NPAS3: variants seen among roughly 807,000 people sequenced by gnomAD.
NPAS3 encodes the protein neuronal PAS domain-containing protein 3.
In NPAS3, 14 loss-of-function variants were observed where a neutral mutation model predicts 73.1. The observed-to-expected ratio is 0.19, with a 90% CI of 0.13 to 0.30. The LOEUF (loss-of-function observed/expected upper bound fraction) is 0.30, where lower values mean the gene tolerates loss of function less well. Ranked by LOEUF, NPAS3 falls within the 10% of genes least tolerant of loss-of-function variation. The probability of loss-of-function intolerance (pLI) is 1.00; values close to 1 mark genes in which losing one functional copy is unlikely to be tolerated. For missense variants in NPAS3, 1,096 were observed against 1,250.0 expected (o/e 0.88, Z 1.86); for synonymous variants, 620 against 541.5 (o/e 1.14, Z -2.01).
intron 3 of NPAS3, among the ~76,000 whole-genome samples, chr14:33,268,635 C>T (rs944022900): frequency 6.6e-6 from 1 of 152,142 alleles, no homozygotes; most frequent in Non-Finnish European, 1.5e-5. Context: ...TATGATATGC[C>T]TATCACTTAC....
intron 2 of NPAS3, among the ~76,000 whole-genome samples, chr14:33,174,285 T>C (rs554804890): frequency 3.3e-5 from 5 of 152,304 alleles, no homozygotes; most frequent in African/African-American, 1.2e-4. Flanking sequence ...CTGAACTGCT[T>C]ATACAGGTTT....
At position 33,165,482 on chromosome 14, in the gene NPAS3, T is replaced by C. The variant is rs192857641; in HGVS notation, c.141-49700T>C. On this transcript the variant is annotated intron_variant, in intron 2 of 11. Transcript: ENST00000356141. ...GAGCTTAAAGTAGCCTCAGGGCTAA[T>C]GTGAGGAGCTGTGCAGCTCTACTAC... Among the ~76,000 whole-genome samples, 169 of 152,230 alleles carry C rather than the reference T, an allele frequency of 1.1e-3. 1 individual carries two copies. Among genetic ancestry groups the C allele is most frequent in the South Asian group, 3.7e-3 (18 of 4,814 alleles).
chr14:33,380,349 G>C (rs1363145471), intron 4 of NPAS3, among the ~76,000 whole-genome samples: 2 of 152,032 alleles, frequency 1.3e-5, no homozygotes, highest in East Asian at 3.9e-4. Context: ...ATCCTGCTTG[G>C]GGGAGGAGGG....
At chr14:33,479,812 C>G (rs896585484) in intron 4 of NPAS3, among the ~76,000 whole-genome samples, 1 of 152,070 alleles carries the variant, frequency 6.6e-6, no homozygotes, top group Admixed American at 6.6e-5. Context: ...TGCGTTTGTC[C>G]TTTTGACAGG....
intron 1 of NPAS3, among the ~76,000 whole-genome samples, chr14:33,018,655 A>G (rs564372529): frequency 1.3e-5 from 2 of 152,340 alleles, no homozygotes; most frequent in East Asian, 3.9e-4. Context: ...TTGAAAGTAT[A>G]AGAAATATAT....
rs150475444 is a variant in NPAS3 at position 33,082,553 on chromosome 14, T to C, written c.140+26559T>C. ...TTCTTGTGAATTTTATGTTGTGACG[T>C]TTAGAAGACTGGAATAAGTTGTATT... On this transcript the variant is annotated intron_variant, in intron 2 of 11. Transcript: ENST00000356141. Among the ~76,000 whole-genome samples, 8 of 152,336 alleles carry C rather than the reference T, an allele frequency of 5.3e-5. 1 individual carries two copies. Among genetic ancestry groups the C allele is most frequent in the Admixed American group, 5.2e-4 (8 of 15,306 alleles).
At chr14:33,622,126 G>A (rs1334660299) in intron 5 of NPAS3, among the ~76,000 whole-genome samples, 2 of 152,088 alleles carry the variant, frequency 1.3e-5, no homozygotes, top group Non-Finnish European at 2.9e-5. Flanking sequence ...CTCTCCTAAT[G>A]TTCAAAACCA....
chr14:33,178,102 G>T (rs1199099773), intron 2 of NPAS3, among the ~76,000 whole-genome samples: 1 of 134,766 alleles, frequency 7.4e-6, no homozygotes. Context: ...TGGAGACAGA[G>T]TCTTGCTCTG....
At chr14:33,183,438 T>G (rs1304579987) in intron 2 of NPAS3, among the ~76,000 whole-genome samples, 1 of 85,052 alleles carries the variant, frequency 1.2e-5, no homozygotes, top group Non-Finnish European at 2.7e-5. Context: ...TTTTTTTTTT[T>G]TTTTTTTTTT....
chr14:33,722,361 G>A (rs1011811084), intron 6 of NPAS3, among the ~76,000 whole-genome samples: 1 of 152,040 alleles, frequency 6.6e-6, no homozygotes, highest in Admixed American at 6.6e-5. Context: ...CTTAAGGAAA[G>A]GGGGGGTAAT....
chr14:33,737,516 C>T (rs1024932054), intron 7 of NPAS3, among the ~76,000 whole-genome samples: 1 of 152,092 alleles, frequency 6.6e-6, no homozygotes, highest in South Asian at 2.1e-4. Flanking sequence ...TCTCAAGATA[C>T]CATGAGAGTC....
intron 3 of NPAS3, among the ~76,000 whole-genome samples, chr14:33,278,573 T>C (rs914104307): frequency 3.3e-5 from 5 of 151,810 alleles, no homozygotes; most frequent in Non-Finnish European, 5.9e-5. Context: ...ACAACAAATA[T>C]ATGAAAATCA....
intron 7 of NPAS3, 149 bp downstream of exon 7, chr14:33,735,481 G>A (rs2061500203): frequency 1.2e-5 from 8 of 650,360 alleles, no homozygotes; most frequent in South Asian, 7.4e-5. Context: ...CTGTCTCAAG[G>A]CAGGAGCTTC....
At chr14:33,057,929 T>C (rs1447569893) in intron 2 of NPAS3, among the ~76,000 whole-genome samples, 1 of 152,198 alleles carries the variant, frequency 6.6e-6, no homozygotes, top group Non-Finnish European at 1.5e-5. Flanking sequence ...AAAAAGCATG[T>C]GGTACACAAG....
chr14:33,796,968 A>C (rs1402069009), intron 10 of NPAS3, among the ~76,000 whole-genome samples: 2 of 151,922 alleles, frequency 1.3e-5, no homozygotes, highest in Non-Finnish European at 2.9e-5. Flanking sequence ...CATCTGTCAG[A>C]TAGGCACCAA....
intron 3 of NPAS3, among the ~76,000 whole-genome samples, chr14:33,327,471 A>G (rs1171129529): frequency 6.6e-6 from 1 of 152,240 alleles, no homozygotes; most frequent in East Asian, 1.9e-4. Context: ...GAAGAAAACA[A>G]AGATACACAG....
intron 2 of NPAS3, among the ~76,000 whole-genome samples, chr14:33,102,674 C>T (rs962689873): frequency 3.9e-5 from 6 of 152,124 alleles, no homozygotes; most frequent in Non-Finnish European, 8.8e-5. Flanking sequence ...AATGAAGCTG[C>T]TATTGCCAGC....
At chr14:33,157,524 T>C (rs771215296) in intron 2 of NPAS3, among the ~76,000 whole-genome samples, 14 of 152,218 alleles carry the variant, frequency 9.2e-5, no homozygotes, top group Non-Finnish European at 1.6e-4. Context: ...TGGTGAGGTA[T>C]AATCACACAT....
chr14:33,597,509 C>T (rs572839398), intron 5 of NPAS3, among the ~76,000 whole-genome samples: 9 of 152,206 alleles, frequency 5.9e-5, no homozygotes, highest in East Asian at 1.9e-4. Flanking sequence ...TGTCTCATGG[C>T]ATCTCAATTT....
Sources: allele counts gnomAD v4.1 joint callset (sites outside exome capture counted in the v4.1 genomes callset), GRCh38; gene constraint gnomAD v4.1.1; transcripts MANE v1.5; gene names NCBI Gene and HGNC (gene_info 2026-07-23, HGNC 2026-07-21).